The following EYA4 variants were observed in gnomAD, a reference collection of about 807,000 sequenced individuals.
EYA4 encodes the protein protein phosphatase EYA4.
Under a neutral mutation model 87.9 loss-of-function variants are expected in EYA4, and 31 were observed. The ratio of observed to expected loss-of-function variants is 0.35; its 90% CI spans 0.27 to 0.48. The LOEUF (loss-of-function observed/expected upper bound fraction) is 0.48. Ranked by LOEUF, EYA4 falls within the 20% of genes least tolerant of loss-of-function variation. EYA4 has a pLI of 0.99. For synonymous variants in EYA4, 263 were observed against 270.6 expected, an observed-to-expected ratio of 0.97 and a Z score of 0.28; for missense variants, 678 against 761.4, an observed-to-expected ratio of 0.89 and a Z score of 1.29.
intron 2 of EYA4, among the ~76,000 whole-genome samples, chr6:133,314,939 C>T (rs139643402): frequency 6.6e-6 from 1 of 152,264 alleles, no homozygotes; most frequent in Non-Finnish European, 1.5e-5. Flanking sequence ...GTTTTCCTTC[C>T]TCATCTAATA....
chr6:133,337,979 GC>G (rs1274481076), intron 2 of EYA4, among the ~76,000 whole-genome samples: 1 of 152,174 alleles, frequency 6.6e-6, no homozygotes, highest in Non-Finnish European at 1.5e-5. Flanking sequence ...GCTGTAGTTA[GC>G]CAAGGACCAG....
chr6:133,324,704 T>C (rs17302366), intron 2 of EYA4, among the ~76,000 whole-genome samples: 66,278 of 151,744 alleles, frequency 0.44, 15,191 homozygotes, highest in Non-Finnish European at 0.52. Context: ...TCAGCATAGC[T>C]CAGGACCCTC....
chr6:133,264,122 G>GT (rs1776014139), intron 1 of EYA4, among the ~76,000 whole-genome samples: 1 of 152,208 alleles, frequency 6.6e-6, no homozygotes, highest in Admixed American at 6.5e-5. Context: ...CTGCAGGACA[G>GT]TGTGAGGCTG....
intron 1 of EYA4, chr6:133,248,471 C>CCT (rs1774602758): frequency 6.6e-6 from 1 of 152,184 alleles, no homozygotes; most frequent in Non-Finnish European, 1.5e-5. Flanking sequence ...AATTCACAGA[C>CCT]CTCTGCATAT....
At chr6:133,452,434 T>C (rs991874260) in intron 5 of EYA4, among the ~76,000 whole-genome samples, 12 of 152,158 alleles carry the variant, frequency 7.9e-5, no homozygotes, top group African/African-American at 1.9e-4. Context: ...CTTTGAGTTA[T>C]GATAATAAAA....
chr6:133,254,927 G>C (rs950603758), intron 1 of EYA4, among the ~76,000 whole-genome samples: 1 of 152,200 alleles, frequency 6.6e-6, no homozygotes, highest in Non-Finnish European at 1.5e-5. Flanking sequence ...GTTTGTTTCT[G>C]ATGAGGAGTT....
intron 2 of EYA4, 53 bp from the exon 3 acceptor site, chr6:133,382,339 G>C (rs745449312): frequency 1.8e-5 from 23 of 1,278,660 alleles, no homozygotes; most frequent in Non-Finnish European, 2.5e-5. Context: ...GTGTGAACCT[G>C]AGTGAGGAAG....
intron 1 of EYA4, among the ~76,000 whole-genome samples, chr6:133,252,345 G>T (rs1774976636): frequency 6.6e-6 from 1 of 152,158 alleles, no homozygotes; most frequent in Non-Finnish European, 1.5e-5. Context: ...GTAGCTTTCA[G>T]TTGTAACCAC....
chr6:133,412,134 T>G (rs1173448664), intron 3 of EYA4, among the ~76,000 whole-genome samples: 2 of 152,230 alleles, frequency 1.3e-5, no homozygotes, highest in Non-Finnish European at 2.9e-5. Flanking sequence ...ATTAAAAGTT[T>G]AATGCAGCAA....
At chr6:133,423,073 GAACACAAAGGGA>G (rs1790359678) in intron 3 of EYA4, among the ~76,000 whole-genome samples, 1 of 152,092 alleles carries the variant, frequency 6.6e-6, no homozygotes, top group Non-Finnish European at 1.5e-5. Flanking sequence ...GGGCGATGGG[GAACACAAAGGGA>G]AATGCTAAGA....
At chr6:133,478,315 A>G (rs1795917191) in intron 11 of EYA4, among the ~76,000 whole-genome samples, 2 of 152,124 alleles carry the variant, frequency 1.3e-5, no homozygotes, top group African/African-American at 2.4e-5. Flanking sequence ...TGCATACCCA[A>G]GAAGAATTAA....
At chr6:133,478,261 G>T (rs775031351) in intron 11 of EYA4, among the ~76,000 whole-genome samples, 5 of 152,034 alleles carry the variant, frequency 3.3e-5, no homozygotes, top group Non-Finnish European at 7.4e-5. Context: ...TGTTAAAGAT[G>T]AACATATGCC....
At chr6:133,478,904 G>T (rs938000608) in intron 11 of EYA4, among the ~76,000 whole-genome samples, 3 of 152,068 alleles carry the variant, frequency 2.0e-5, no homozygotes, top group African/African-American at 7.2e-5. Context: ...TATGGACTCA[G>T]CCTACAACCA....
At chr6:133,361,414 A>T (rs1784439054) in intron 2 of EYA4, among the ~76,000 whole-genome samples, 1 of 152,158 alleles carries the variant, frequency 6.6e-6, no homozygotes, top group African/African-American at 2.4e-5. Flanking sequence ...GGAACTGGGG[A>T]TCAGAGAACT....
At chr6:133,472,839 C>G (rs1350133423) in intron 11 of EYA4, among the ~76,000 whole-genome samples, 1 of 138,818 alleles carries the variant, frequency 7.2e-6, no homozygotes, top group Non-Finnish European at 1.5e-5. Flanking sequence ...ATCCCTTTAC[C>G]ATTATGTAAT....
chr6:133,355,995 G>A (rs1371893020), intron 2 of EYA4, among the ~76,000 whole-genome samples: 3 of 151,810 alleles, frequency 2.0e-5, no homozygotes, highest in Non-Finnish European at 4.4e-5. Flanking sequence ...TTTCTGGTGA[G>A]GGCTTTCTTC....
chr6:133,448,072 C>T, intron 4 of EYA4, 39 bp from the exon 5 acceptor site: 1 of 1,459,866 alleles, frequency 6.8e-7, no homozygotes, highest in Non-Finnish European at 9.6e-7. Flanking sequence ...ACTCAGCAGG[C>T]ATTCAGACAA....
intron 2 of EYA4, among the ~76,000 whole-genome samples, chr6:133,368,804 T>A (rs1235316170): frequency 6.6e-6 from 1 of 152,220 alleles, no homozygotes; most frequent in Non-Finnish European, 1.5e-5. Context: ...CAGAAGCAGC[T>A]GACACTAGTA....
At chr6:133,373,256 G>C (rs940004190) in intron 2 of EYA4, among the ~76,000 whole-genome samples, 9 of 151,916 alleles carry the variant, frequency 5.9e-5, no homozygotes, top group Non-Finnish European at 1.3e-4. Context: ...GGCTTGTCTG[G>C]GGTCCTTTTG....
Sources: gnomAD v4.1 joint callset for allele counts (sites outside exome capture counted in the v4.1 genomes callset) on GRCh38, gnomAD v4.1.1 for gene constraint, MANE v1.5 for transcripts, NCBI Gene and HGNC (gene_info 2026-07-23, HGNC 2026-07-21) for gene names.